LARP4: variants seen among roughly 807,000 people sequenced by gnomAD.
LARP4 encodes the protein La ribonucleoprotein 4.
Under a neutral mutation model 92.9 loss-of-function variants are expected in LARP4, and 29 were observed. The ratio of observed to expected loss-of-function variants is 0.31; its 90% CI spans 0.23 to 0.43. The LOEUF (loss-of-function observed/expected upper bound fraction) is 0.43. LARP4 is among the 20% of genes least tolerant of loss of function. LARP4 has a pLI of 1.00. For synonymous variants in LARP4, 279 were observed against 284.1 expected, an observed-to-expected ratio of 0.98 and a Z score of 0.18; for missense variants, 732 against 860.0, an observed-to-expected ratio of 0.85 and a Z score of 1.86.
intron 12 of LARP4, among the ~76,000 whole-genome samples, chr12:50,463,805 A>G (rs1415294026): frequency 2.0e-5 from 3 of 152,116 alleles, no homozygotes; most frequent in East Asian, 1.9e-4. Flanking sequence ...GCCACTATGC[A>G]GTGCCCTAGT....
At chr12:50,405,190 C>T (rs562085494) in intron 1 of LARP4, among the ~76,000 whole-genome samples, 9 of 152,156 alleles carry the variant, frequency 5.9e-5, no homozygotes, top group East Asian at 1.9e-4. Context: ...TGAGCCACCG[C>T]GCCTGGCAGA....
intron 12 of LARP4, among the ~76,000 whole-genome samples, chr12:50,463,791 T>G (rs1356232822): frequency 6.6e-6 from 1 of 152,158 alleles, no homozygotes; most frequent in South Asian, 2.1e-4. Flanking sequence ...GGTGGCCCTC[T>G]TCTGCCACTA....
rs190084464 is a variant in LARP4 at position 50,417,886 on chromosome 12, G to A, written c.19-9876G>A. Among the ~76,000 whole-genome samples, 176 of 152,118 alleles carry A rather than the reference G, an allele frequency of 1.2e-3. 1 individual carries two copies. Among genetic ancestry groups the A allele is most frequent in the Admixed American group, 2.0e-3 (31 of 15,262 alleles). ...TTTTTTTTTCTTGTTTTGAGACGGA[G>A]TTTCACTCCTGTTACCCAGGCTGCA... is the stretch of plus-strand genomic sequence containing the variant. On this transcript the variant is annotated intron_variant, in intron 1 of 15. Transcript: ENST00000398473.
intron 1 of LARP4, among the ~76,000 whole-genome samples, chr12:50,411,676 GTTTTTTC>G (rs1431075363): frequency 4.7e-5 from 7 of 149,546 alleles, no homozygotes; most frequent in Non-Finnish European, 8.9e-5. Flanking sequence ...ATTCATTTTT[GTTTTTTC>G]TTTTTTCTTT....
chr12:50,400,977 G>T lies in LARP4; in HGVS notation c.-34G>T. ...GGCCTGTGAGCCAGTTGGAGTTGCG[G>T]CGGCGGGAACGATTGGGCTGAGCAG... On this transcript the variant is annotated 5_prime_UTR_variant, in exon 1 of 16. Coordinates refer to ENST00000398473, the MANE Select transcript of LARP4 (RefSeq NM_052879.5). The T allele has an allele frequency of 6.2e-7, 1 of 1,614,132 alleles. No homozygotes were observed. Among genetic ancestry groups the T allele is most frequent in the Non-Finnish European group, 8.5e-7 (1 of 1,180,008 alleles).
intron 7 of LARP4, chr12:50,441,240 A>G: frequency 5.6e-6 from 1 of 177,874 alleles, no homozygotes; most frequent in Non-Finnish European, 1.2e-5. Flanking sequence ...TTGAAACACA[A>G]ATATATCTAT....
At chr12:50,450,817 A>AT (rs995389653) in intron 8 of LARP4, among the ~76,000 whole-genome samples, 17 of 151,372 alleles carry the variant, frequency 1.1e-4, no homozygotes, top group East Asian at 9.7e-4. Flanking sequence ...TCTCCTGTTA[A>AT]TTTTTTTTTG....
chr12:50,439,377 T>A (rs1262700881), intron 6 of LARP4, among the ~76,000 whole-genome samples: 1 of 151,878 alleles, frequency 6.6e-6, no homozygotes, highest in South Asian at 2.1e-4. Context: ...GCTTTTAAAA[T>A]TTTTTTTTCA....
chr12:50,443,256 CTGTTT>C (rs575322498), intron 8 of LARP4, among the ~76,000 whole-genome samples: 7 of 152,092 alleles, frequency 4.6e-5, no homozygotes, highest in South Asian at 2.1e-4. Flanking sequence ...ACCAATATGG[CTGTTT>C]TGTTTTGTTT....
At position 50,423,515 on chromosome 12, in the gene LARP4, C is replaced by T. The variant is rs188117284; in HGVS notation, c.19-4247C>T. ...CCAGGCTGGAGTGCAGTGGCGTAAT[C>T]TCGGCTCACCACAACCTCCACCTTC... On this transcript the variant is annotated intron_variant, in intron 1 of 15. Coordinates refer to ENST00000398473, the MANE Select transcript of LARP4 (RefSeq NM_052879.5). Among the ~76,000 whole-genome samples the T allele has an allele frequency of 4.6e-3, 697 of 152,094 alleles. 3 individuals carry two copies. Among genetic ancestry groups the T allele is most frequent in the African/African-American group, 0.016 (670 of 41,488 alleles).
intron 8 of LARP4, among the ~76,000 whole-genome samples, chr12:50,448,017 C>T (rs577480496): frequency 2.0e-5 from 3 of 152,204 alleles, no homozygotes; most frequent in Non-Finnish European, 2.9e-5. Context: ...CAGGCACCTG[C>T]CACCACGCCC....
chr12:50,473,100 G>T (rs901209600), intron 13 of LARP4, among the ~76,000 whole-genome samples: 1 of 152,208 alleles, frequency 6.6e-6, no homozygotes, highest in Non-Finnish European at 1.5e-5. Context: ...GATTACAGGT[G>T]TGAGCCACTG....
At chr12:50,437,682 A>G in intron 5 of LARP4, 53 bp from the exon 6 acceptor site, 1 of 1,007,084 alleles carries the variant, frequency 9.9e-7, no homozygotes, top group Non-Finnish European at 1.5e-6. Context: ...TAATGGCATT[A>G]ATAATATCAC....
intron 13 of LARP4, among the ~76,000 whole-genome samples, chr12:50,473,023 AT>A (rs1337527024): frequency 6.7e-6 from 1 of 148,624 alleles, no homozygotes; most frequent in Admixed American, 6.7e-5. Flanking sequence ...GGATTTCACC[AT>A]GTTGGCCAGG....
chr12:50,457,258 G>A (rs2138477691), intron 10 of LARP4, among the ~76,000 whole-genome samples: 1 of 148,524 alleles, frequency 6.7e-6, no homozygotes, highest in African/African-American at 2.5e-5. Flanking sequence ...CCAGGCTGGA[G>A]TGCAATGGCG....
rs574159674 is a variant in LARP4 at position 50,426,871 on chromosome 12, C to T, written c.19-891C>T. Among the ~76,000 whole-genome samples the T allele has an allele frequency of 7.3e-5, 11 of 150,960 alleles. No individual in the cohort carries two copies. The East Asian group carries it at 1.7e-3, about 24-fold the overall frequency. On this transcript the variant is annotated intron_variant, in intron 1 of 15. Transcript: ENST00000398473. Reference sequence around the variant, plus strand: ...CTTCAACCTCAGCATCTGAAGTAGCCGGGACTACAGGCGCCCACCAACACG... The same window carrying T: ...CTTCAACCTCAGCATCTGAAGTAGCTGGGACTACAGGCGCCCACCAACACG...
chr12:50,459,469 A>C (rs1199455257), intron 10 of LARP4, among the ~76,000 whole-genome samples: 1 of 152,126 alleles, frequency 6.6e-6, no homozygotes. Flanking sequence ...TATACATAAA[A>C]TGATTACTTT....
At chr12:50,435,695 A>G (rs1316766409) in intron 5 of LARP4, 71 bp downstream of exon 5, 3 of 1,153,470 alleles carry the variant, frequency 2.6e-6, no homozygotes, top group African/African-American at 3.1e-5. Flanking sequence ...TTCTGATCAT[A>G]TAGGGAATTA....
intron 1 of LARP4, chr12:50,415,618 C>T (rs1180707149): frequency 1.3e-5 from 2 of 151,350 alleles, no homozygotes; most frequent in African/African-American, 4.8e-5. Context: ...TCTACATTTG[C>T]AAAATTGCCC....
Sources: gnomAD v4.1 joint callset for allele counts (sites outside exome capture counted in the v4.1 genomes callset) on GRCh38, gnomAD v4.1.1 for gene constraint, MANE v1.5 for transcripts, NCBI Gene and HGNC (gene_info 2026-07-23, HGNC 2026-07-21) for gene names.